ULK4: variants seen among roughly 807,000 people sequenced by gnomAD.
ULK4 encodes the protein unc-51 like kinase 4, also known as inactive serine/threonine-protein kinase ULK4.
ULK4 carries 133 observed loss-of-function variants against 160.6 expected under a neutral mutation model. That is an observed-to-expected ratio of 0.83 (90% CI 0.72 to 0.96). ULK4 has a LOEUF of 0.96. Ranked by LOEUF, ULK4 falls within the 40% of genes least tolerant of loss-of-function variation. The pLI, the probability that ULK4 is intolerant of heterozygous loss-of-function variation, is 0.00. For synonymous variants in ULK4, 534 were observed against 539.8 expected, an observed-to-expected ratio of 0.99 and a Z score of 0.15; for missense variants, 1,580 against 1,499.5, an observed-to-expected ratio of 1.05 and a Z score of -0.89.
intron 21 of ULK4, among the ~76,000 whole-genome samples, chr3:41,766,036 C>G (rs1334109606): frequency 3.3e-5 from 5 of 151,834 alleles, no homozygotes; most frequent in Non-Finnish European, 4.4e-5. Context: ...TTTGGGAGGC[C>G]AAAGCGGGTG....
intron 1 of ULK4, among the ~76,000 whole-genome samples, chr3:41,959,290 G>C (rs969753126): frequency 3.3e-5 from 5 of 151,304 alleles, no homozygotes; most frequent in African/African-American, 4.9e-5. Flanking sequence ...CTTGGACCCG[G>C]GAGGCGGAGG....
In ULK4 at chr3:41,698,922, C is replaced by T. The variant is rs149119422; in HGVS notation, c.2781+6135G>A. 4.9e-3 allele frequency among the ~76,000 whole-genome samples: 746 copies of T among 152,196 alleles called. 4 individuals are homozygous for T. The highest frequency in any genetic ancestry group is 0.017 in the African/African-American group (715 of 41,524). On this transcript the variant is annotated intron_variant, in intron 27 of 36. Coordinates refer to ENST00000301831, the MANE Select transcript of ULK4 (RefSeq NM_017886.4). The stretch of plus-strand genomic sequence containing the variant: ...TTCGTATTTGTTAACTTTAGCTCAA[C>T]ATTAAATTTTTAAGATTTATCCATG...
chr3:41,392,023 A>G (rs145066872), intron 35 of ULK4, among the ~76,000 whole-genome samples: 98 of 152,190 alleles, frequency 6.4e-4, no homozygotes, highest in African/African-American at 2.1e-3. Flanking sequence ...GCACAGAACA[A>G]ATCTGTGGTG....
At chr3:41,461,235 C>T (rs796946662) in intron 33 of ULK4, among the ~76,000 whole-genome samples, 12 of 152,264 alleles carry the variant, frequency 7.9e-5, no homozygotes, top group African/African-American at 2.9e-4. Flanking sequence ...AAGCACTGGC[C>T]TCTCTCAATT....
Position 41,889,545 on chromosome 3 carries a change from G to A in ULK4, c.1578-5593C>T, listed in dbSNP as rs545963099. 1.1e-3 allele frequency among the ~76,000 whole-genome samples: 160 copies of A among 152,232 alleles called. 8 individuals carry two copies. In the South Asian group the frequency reaches 0.031, roughly 29 times the overall value. Reference sequence around the variant, plus strand: ...CACCGGGGCCTATTTCAGGGTGGAGGGTGGGAGGAGGGAGAGGATCAGAAA... The same window carrying A: ...CACCGGGGCCTATTTCAGGGTGGAGAGTGGGAGGAGGGAGAGGATCAGAAA... On this transcript the variant is annotated intron_variant, in intron 16 of 36. Transcript: ENST00000301831.
intron 30 of ULK4, among the ~76,000 whole-genome samples, chr3:41,641,235 C>A (rs778291604): frequency 6.6e-6 from 1 of 152,156 alleles, no homozygotes; most frequent in Non-Finnish European, 1.5e-5. Flanking sequence ...AGATGGAACA[C>A]GCACTTTCTA....
intron 9 of ULK4, among the ~76,000 whole-genome samples, chr3:41,911,878 C>T (rs1015023185): frequency 6.6e-5 from 10 of 152,174 alleles, no homozygotes; most frequent in Admixed American, 1.3e-4. Context: ...TAAGGCCAGG[C>T]GTGGTGGTAC....
At chr3:41,284,408 T>A (rs1227514585) in intron 35 of ULK4, among the ~76,000 whole-genome samples, 1 of 151,954 alleles carries the variant, frequency 6.6e-6, no homozygotes, top group African/African-American at 2.4e-5. Flanking sequence ...CATAGACCGA[T>A]GGAACAGAAT....
At chr3:41,697,406 T>TA (rs143854536) in intron 27 of ULK4, among the ~76,000 whole-genome samples, 28,780 of 151,592 alleles carry the variant, frequency 0.19, 7,320 homozygotes, top group African/African-American at 0.58. Context: ...TTAGAAAGGA[T>TA]AAAAAAAATT....
At chr3:41,284,777 AG>A (rs2079426963) in intron 35 of ULK4, among the ~76,000 whole-genome samples, 1 of 152,230 alleles carries the variant, frequency 6.6e-6, no homozygotes, top group Admixed American at 6.5e-5. Context: ...GCTTTTGAAC[AG>A]CAAAAGGAAC....
At chr3:41,575,230 T>C (rs1007606421) in intron 31 of ULK4, among the ~76,000 whole-genome samples, 5 of 152,352 alleles carry the variant, frequency 3.3e-5, no homozygotes, top group Admixed American at 1.3e-4. Flanking sequence ...TAAATATGTA[T>C]ATGGATTTCC....
intron 31 of ULK4, among the ~76,000 whole-genome samples, chr3:41,594,817 G>A (rs1225696453): frequency 6.6e-6 from 1 of 152,230 alleles, no homozygotes; most frequent in Non-Finnish European, 1.5e-5. Flanking sequence ...GCAGGGAGAT[G>A]AGTCAGGCAC....
chr3:41,561,258 C>T (rs936406228), intron 32 of ULK4, among the ~76,000 whole-genome samples: 9 of 152,114 alleles, frequency 5.9e-5, no homozygotes, highest in Admixed American at 3.3e-4. Context: ...CTACTGGATT[C>T]GGTCTGCCAG....
intron 30 of ULK4, among the ~76,000 whole-genome samples, chr3:41,642,185 G>A (rs770653552): frequency 1.3e-5 from 2 of 151,788 alleles, no homozygotes; most frequent in Non-Finnish European, 2.9e-5. Context: ...ATACGTAACA[G>A]TTTTTACTCT....
intron 32 of ULK4, among the ~76,000 whole-genome samples, chr3:41,528,891 C>CATGGGCTTATTAGTACA: frequency 6.6e-6 from 1 of 152,102 alleles, no homozygotes; most frequent in Non-Finnish European, 1.5e-5. Flanking sequence ...GGCTTAATAC[C>CATGGGCTTATTAGTACA]TGGGTGATGA....
intron 16 of ULK4, among the ~76,000 whole-genome samples, chr3:41,893,009 A>T (rs1338482576): frequency 6.6e-6 from 1 of 152,152 alleles, no homozygotes; most frequent in Non-Finnish European, 1.5e-5. Flanking sequence ...TGTCTCCGTG[A>T]TTGGCTTTCT....
chr3:41,496,167 AG>A (rs1054144616), intron 32 of ULK4, among the ~76,000 whole-genome samples: 17 of 152,118 alleles, frequency 1.1e-4, no homozygotes, highest in African/African-American at 3.9e-4. Flanking sequence ...CACTAAAAAG[AG>A]TAGAATGAAC....
chr3:41,835,936 G>C lies in ULK4; in HGVS notation c.1692C>G (p.Asn564Lys). ...ACTGTTTTAATTTGCTGTTCCTGAA[G>C]TTTTCCCTAATTAATTCAGTTAAGA... ...IVLLTELIRE[N>K]FRNSKLKQCL... The change falls in exon 18 of 37, where the codon AAC becomes AAG. Residue 564 changes from asparagine to lysine, a missense_variant. Coordinates refer to ENST00000301831, the MANE Select transcript of ULK4 (RefSeq NM_017886.4). The C allele has an allele frequency of 1.2e-6, 2 of 1,608,032 alleles. No individual in the cohort carries two copies. The highest frequency in any genetic ancestry group is 1.7e-6 in the Non-Finnish European group (2 of 1,178,268).
chr3:41,640,899 T>A (rs188422855), intron 30 of ULK4, among the ~76,000 whole-genome samples: 2 of 152,334 alleles, frequency 1.3e-5, no homozygotes, highest in Non-Finnish European at 2.9e-5. Context: ...GAACACTTTG[T>A]CCCTGGAAAC....
Sources: allele counts gnomAD v4.1 joint callset (sites outside exome capture counted in the v4.1 genomes callset), GRCh38; gene constraint gnomAD v4.1.1; transcripts MANE v1.5; gene names NCBI Gene and HGNC (gene_info 2026-07-23, HGNC 2026-07-21).